PSMA1: variants seen among roughly 807,000 people sequenced by gnomAD.
PSMA1 encodes the protein proteasome subunit alpha type-1.
A neutral mutation model predicts 38.4 loss-of-function variants in PSMA1; 3 were observed. The observed-to-expected ratio is 0.08, with a 90% CI of 0.04 to 0.20. The LOEUF (loss-of-function observed/expected upper bound fraction) is 0.20. PSMA1 is among the 10% of genes least tolerant of loss of function. The probability of loss-of-function intolerance (pLI) is 1.00; values close to 1 mark genes in which losing one functional copy is unlikely to be tolerated. For synonymous variants in PSMA1, 101 were observed against 107.1 expected, an observed-to-expected ratio of 0.94 and a Z score of 0.35; for missense variants, 227 against 325.3, an observed-to-expected ratio of 0.70 and a Z score of 2.32.
At chr11:14,631,213 G>A (rs1026347452) in intron 1 of PSMA1, among the ~76,000 whole-genome samples, 1 of 152,076 alleles carries the variant, frequency 6.6e-6, no homozygotes, top group Non-Finnish European at 1.5e-5. Flanking sequence ...GCTAGCTTTT[G>A]AATGAGTTTG....
chr11:14,567,731 T>C (rs927677100), intron 2 of PSMA1, among the ~76,000 whole-genome samples: 3 of 152,238 alleles, frequency 2.0e-5, no homozygotes, highest in African/African-American at 7.2e-5. Context: ...TCTTATACTG[T>C]AAACAAGAAT....
intron 2 of PSMA1, among the ~76,000 whole-genome samples, chr11:14,546,148 CTCTTTT>C (rs1851824366): frequency 6.8e-6 from 1 of 147,042 alleles, no homozygotes; most frequent in Non-Finnish European, 1.5e-5. Context: ...CTCTCTCTCT[CTCTTTT>C]TTTTTTTTTT....
intron 2 of PSMA1, among the ~76,000 whole-genome samples, chr11:14,549,877 T>A (rs1406828913): frequency 6.6e-6 from 1 of 152,190 alleles, no homozygotes. Context: ...GCTGCTCCAA[T>A]GGCAAGAGGA....
At chr11:14,599,159 C>A (rs1398660500) in intron 2 of PSMA1, among the ~76,000 whole-genome samples, 1 of 152,204 alleles carries the variant, frequency 6.6e-6, no homozygotes, top group African/African-American at 2.4e-5. Flanking sequence ...TTCTCTCTGG[C>A]TGCACTTAAC....
chr11:14,530,537 GATA>G (rs530381895), intron 2 of PSMA1, among the ~76,000 whole-genome samples: 158 of 152,222 alleles, frequency 1.0e-3, no homozygotes, highest in African/African-American at 3.5e-3. Flanking sequence ...GCCGCTGGAG[GATA>G]ATGTTTCATA....
rs540232964 is a variant in PSMA1 at position 14,576,319 on chromosome 11, A to G, written c.21+34647T>C. Among the ~76,000 whole-genome samples, 5 of 152,234 alleles carry G rather than the reference A, an allele frequency of 3.3e-5. No individual in the cohort carries two copies. In the East Asian group the frequency reaches 9.6e-4, roughly 29 times the overall value. Reference sequence around the variant, plus strand: ...TTTGTCAATTTTGGCTTTTGTTGCCATTGCTTTTGATGTTTTAGTCATGAA... The same window carrying G: ...TTTGTCAATTTTGGCTTTTGTTGCCGTTGCTTTTGATGTTTTAGTCATGAA... On this transcript the variant is annotated intron_variant, in intron 2 of 10. Coordinates refer to the PSMA1 transcript ENST00000418988.
chr11:14,520,501 C>T (rs889589779), upstream of PSMA1: 170 of 1,432,226 alleles, frequency 1.2e-4, no homozygotes, highest in Non-Finnish European at 1.4e-4. Context: ...CGGCGGCGGG[C>T]GGAGCCTCGG....
intron 2 of PSMA1, among the ~76,000 whole-genome samples, chr11:14,598,375 G>T (rs1380040499): frequency 1.3e-5 from 2 of 152,110 alleles, no homozygotes; most frequent in East Asian, 1.9e-4. Context: ...TATTGTGTGG[G>T]AGTCTAAGTC....
At chr11:14,606,691 T>C (rs976053368) in intron 2 of PSMA1, among the ~76,000 whole-genome samples, 4 of 152,198 alleles carry the variant, frequency 2.6e-5, no homozygotes, top group East Asian at 1.9e-4. Context: ...CTAAGGACTT[T>C]TTCTTGATTT....
At chr11:14,532,182 A>T (rs867189865) in intron 2 of PSMA1, among the ~76,000 whole-genome samples, 8 of 152,116 alleles carry the variant, frequency 5.3e-5, no homozygotes, top group Non-Finnish European at 8.8e-5. Flanking sequence ...AAATGTTAAT[A>T]TCAATAGGTC....
chr11:14,599,982 C>T (rs1230590804), intron 2 of PSMA1, among the ~76,000 whole-genome samples: 1 of 152,134 alleles, frequency 6.6e-6, no homozygotes, highest in East Asian at 1.9e-4. Context: ...GTTAGTTTTC[C>T]TCCTAACAGT....
At chr11:14,524,822 C>T (rs1422616169), upstream of PSMA1, among the ~76,000 whole-genome samples, 3 of 152,134 alleles carry the variant, frequency 2.0e-5, no homozygotes, top group Non-Finnish European at 4.4e-5. Flanking sequence ...AACATCTCAC[C>T]GATTTTAAAT....
At chr11:14,580,115 G>C (rs1267972329) in intron 2 of PSMA1, among the ~76,000 whole-genome samples, 2 of 152,182 alleles carry the variant, frequency 1.3e-5, no homozygotes, top group Non-Finnish European at 2.9e-5. Flanking sequence ...CAATACAAAT[G>C]TAATCATGTC....
intron 8 of PSMA1, among the ~76,000 whole-genome samples, chr11:14,509,494 G>GA (rs1851303773): frequency 7.2e-6 from 1 of 139,164 alleles, no homozygotes; most frequent in South Asian, 2.3e-4. Context: ...CCTACAATCT[G>GA]TTTTTTTTTT....
chr11:14,628,267 C>A (rs1040888540), intron 1 of PSMA1, among the ~76,000 whole-genome samples: 1 of 143,788 alleles, frequency 7.0e-6, no homozygotes, highest in Non-Finnish European at 1.5e-5. Context: ...GCTGCACCCA[C>A]TAACTTGTCA....
At chr11:14,509,718 T>TG (rs1360624152) in intron 8 of PSMA1, among the ~76,000 whole-genome samples, 1 of 148,050 alleles carries the variant, frequency 6.8e-6, no homozygotes, top group Non-Finnish European at 1.5e-5. Flanking sequence ...CGGTTGTTTT[T>TG]TTTTTTTTTT....
At chr11:14,550,738 T>G (rs1304741078) in intron 2 of PSMA1, among the ~76,000 whole-genome samples, 1 of 151,868 alleles carries the variant, frequency 6.6e-6, no homozygotes, top group Non-Finnish European at 1.5e-5. Context: ...ACTTCTTAAT[T>G]TTTTTACGGG....
intron 2 of PSMA1, among the ~76,000 whole-genome samples, chr11:14,607,001 T>C (rs1241685334): frequency 6.6e-6 from 1 of 152,012 alleles, no homozygotes; most frequent in Non-Finnish European, 1.5e-5. Flanking sequence ...ATATATGATA[T>C]AGAGGAACAG....
At chr11:14,560,399 C>T (rs1851994895) in intron 2 of PSMA1, among the ~76,000 whole-genome samples, 1 of 152,164 alleles carries the variant, frequency 6.6e-6, no homozygotes, top group Non-Finnish European at 1.5e-5. Context: ...TTCTACAACC[C>T]ATTTTAGCTT....
Sources: allele counts gnomAD v4.1 joint callset (sites outside exome capture counted in the v4.1 genomes callset), GRCh38; gene constraint gnomAD v4.1.1; transcripts MANE v1.5; gene names NCBI Gene and HGNC (gene_info 2026-07-23, HGNC 2026-07-21).